The following ZNF407 variants were observed in gnomAD, a reference collection of about 807,000 sequenced individuals.
ZNF407 encodes zinc finger protein 407.
In ZNF407, 17 loss-of-function variants were observed where a neutral mutation model predicts 131.2. The ratio of observed to expected loss-of-function variants is 0.13; its 90% confidence interval spans 0.09 to 0.19. The LOEUF (loss-of-function observed/expected upper bound fraction) is 0.19. Among genes scored for constraint, ZNF407 ranks in the 10% least tolerant of loss-of-function variants. The pLI, the probability that ZNF407 is intolerant of heterozygous loss-of-function variation, is 1.00. For synonymous variants in ZNF407, 1,156 were observed against 1,062.0 expected (o/e 1.09, Z -1.72); for missense variants, 2,681 against 2,830.6 (o/e 0.95, Z 1.20).
chr18:74,696,694 GTATTT>G (rs1285664581), intron 3 of ZNF407, among the ~76,000 whole-genome samples: 38 of 152,224 alleles, frequency 2.5e-4, no homozygotes, highest in African/African-American at 7.9e-4. Flanking sequence ...ATGTATGTAT[GTATTT>G]TATTTTATCA....
chr18:74,661,897 G>A (rs898966920), intron 3 of ZNF407, among the ~76,000 whole-genome samples: 18 of 152,022 alleles, frequency 1.2e-4, no homozygotes, highest in Admixed American at 8.5e-4. Flanking sequence ...CCCCCTTTTC[G>A]TGGCCGTATT....
At chr18:74,721,889 A>T (rs751195497) in intron 3 of ZNF407, among the ~76,000 whole-genome samples, 1 of 151,962 alleles carries the variant, frequency 6.6e-6, no homozygotes, top group Non-Finnish European at 1.5e-5. Flanking sequence ...GTTTTGCTGG[A>T]TGGAGAGTTC....
In ZNF407 at chr18:75,064,526, G is replaced by A; in HGVS notation, c.*58G>A. Reference sequence around the variant, plus strand: ...GTGTGGGAAGGTCCAGCTTCGGTGGGGGACCGTGTTCCCTGAGCTTCATCT... The same window carrying A: ...GTGTGGGAAGGTCCAGCTTCGGTGGAGGACCGTGTTCCCTGAGCTTCATCT... On this transcript the variant is annotated 3_prime_UTR_variant, in exon 9 of 9. Coordinates refer to ENST00000299687, the MANE Select transcript of ZNF407 (RefSeq NM_017757.3). 1.5e-6 allele frequency: 2 copies of A among 1,374,746 alleles called. No individual in the cohort carries two copies. Among genetic ancestry groups the A allele is most frequent in the South Asian group, 3.1e-5 (2 of 64,302 alleles). 85.2% of individuals were successfully genotyped at this position (1,374,746 alleles called of 1,614,324 possible). A position where few individuals can be genotyped will look rare whatever the true frequency, so the allele number is the denominator to read the frequency against.
intron 8 of ZNF407, among the ~76,000 whole-genome samples, chr18:74,936,533 A>G (rs988569841): frequency 6.6e-6 from 1 of 152,186 alleles, no homozygotes; most frequent in African/African-American, 2.4e-5. Flanking sequence ...GAAGTCGCAG[A>G]CTTACCACCA....
intron 8 of ZNF407, among the ~76,000 whole-genome samples, chr18:74,969,738 C>T (rs141015893): frequency 2.8e-4 from 43 of 152,316 alleles, no homozygotes; most frequent in African/African-American, 9.6e-4. Context: ...GTAACTGGGT[C>T]TCTTTTCCAC....
intron 4 of ZNF407, among the ~76,000 whole-genome samples, chr18:74,831,144 A>G (rs764486505): frequency 2.0e-5 from 3 of 152,112 alleles, no homozygotes; most frequent in Non-Finnish European, 4.4e-5. Context: ...GTGTATGTAT[A>G]TATACCATGT....
intron 8 of ZNF407, among the ~76,000 whole-genome samples, chr18:74,946,588 A>C (rs1489228694): frequency 6.6e-6 from 1 of 152,262 alleles, no homozygotes; most frequent in South Asian, 2.1e-4. Flanking sequence ...AAAATCAACA[A>C]TTATAGTTGA....
intron 4 of ZNF407, among the ~76,000 whole-genome samples, chr18:74,859,654 G>A (rs1970909992): frequency 6.6e-6 from 1 of 152,150 alleles, no homozygotes; most frequent in African/African-American, 2.4e-5. Context: ...GGAATAGATT[G>A]CCATTTGAAT....
At chr18:74,866,365 C>G (rs113208138) in intron 4 of ZNF407, among the ~76,000 whole-genome samples, 385 of 152,266 alleles carry the variant, frequency 2.5e-3, no homozygotes, top group African/African-American at 8.8e-3. Flanking sequence ...GCTAATCTTA[C>G]CTTGAGCTCA....
At chr18:74,813,345 G>A (rs1970223683) in intron 4 of ZNF407, among the ~76,000 whole-genome samples, 1 of 152,112 alleles carries the variant, frequency 6.6e-6, no homozygotes, top group Admixed American at 6.5e-5. Context: ...AGTGCTTCAG[G>A]CTCACACTCT....
chr18:74,921,757 T>C (rs1971849623), intron 8 of ZNF407, among the ~76,000 whole-genome samples: 1 of 152,204 alleles, frequency 6.6e-6, no homozygotes, highest in Admixed American at 6.5e-5. Context: ...TTTATGCCTA[T>C]CTGTGCCATA....
chr18:74,781,334 T>C, intron 3 of ZNF407, 94 bp from the exon 4 acceptor site: 1 of 880,654 alleles, frequency 1.1e-6, no homozygotes, highest in Non-Finnish European at 1.7e-6. Flanking sequence ...TTATGTTATG[T>C]TTGCATATAT....
intron 4 of ZNF407, among the ~76,000 whole-genome samples, chr18:74,845,403 C>A (rs143951735): frequency 1.4e-4 from 21 of 152,316 alleles, no homozygotes; most frequent in Admixed American, 2.6e-4. Flanking sequence ...CATTATGAAA[C>A]ATGATTTTCA....
At chr18:74,985,472 C>T (rs1038581094) in intron 8 of ZNF407, among the ~76,000 whole-genome samples, 28 of 152,188 alleles carry the variant, frequency 1.8e-4, no homozygotes, top group Admixed American at 5.2e-4. Context: ...TTAGACTAAT[C>T]TTTGAGTTCC....
chr18:74,807,495 A>G (rs1970128667), intron 4 of ZNF407, among the ~76,000 whole-genome samples: 1 of 152,180 alleles, frequency 6.6e-6, no homozygotes, highest in Admixed American at 6.5e-5. Context: ...AAGTTCCCCT[A>G]TGATAGTATT....
chr18:75,065,561 A>G lies in ZNF407; in HGVS notation c.*1093A>G. Reference sequence around the variant, plus strand: ...GTCATAATCATTTGTTTCCTGATACAATTGTTCTTATTCTTTTCCAAAACT... The same window carrying G: ...GTCATAATCATTTGTTTCCTGATACGATTGTTCTTATTCTTTTCCAAAACT... On this transcript the variant is annotated 3_prime_UTR_variant, in exon 9 of 9. Coordinates refer to ENST00000299687, the MANE Select transcript of ZNF407 (RefSeq NM_017757.3). The G allele has an allele frequency of 6.6e-6, 1 of 152,216 alleles. No individual in the cohort carries two copies. The highest frequency in any genetic ancestry group is 1.9e-4 in the East Asian group (1 of 5,198). The allele number at this position is 152,216 out of a possible 1,614,324, so 9.4% of individuals were successfully genotyped here.
intron 4 of ZNF407, among the ~76,000 whole-genome samples, chr18:74,788,665 A>G (rs992749513): frequency 1.1e-4 from 16 of 150,484 alleles, no homozygotes. Context: ...AGAAATTATC[A>G]TGCTAGAGGT....
chr18:75,059,633 A>G (rs1973601195), intron 8 of ZNF407, among the ~76,000 whole-genome samples: 3 of 152,200 alleles, frequency 2.0e-5, no homozygotes, highest in African/African-American at 7.2e-5. Flanking sequence ...TGTCAAATAC[A>G]GGAGACAAAG....
At chr18:74,601,255 A>G (rs1982564615) in intron 1 of ZNF407, among the ~76,000 whole-genome samples, 1 of 151,804 alleles carries the variant, frequency 6.6e-6, no homozygotes, top group African/African-American at 2.4e-5. Context: ...TGAGTCTGCA[A>G]TCCCAGAGGA....
Sources: allele counts gnomAD v4.1 joint callset (sites outside exome capture counted in the v4.1 genomes callset), GRCh38; gene constraint gnomAD v4.1.1; transcripts MANE v1.5; gene names NCBI Gene and HGNC (gene_info 2026-07-23, HGNC 2026-07-21).